DAB2IP: variants seen among roughly 807,000 people sequenced by gnomAD.
DAB2IP encodes the protein disabled homolog 2-interacting protein.
DAB2IP carries 28 observed loss-of-function variants against 107.2 expected under a neutral mutation model. The ratio of observed to expected loss-of-function variants is 0.26; its 90% CI spans 0.19 to 0.36. The LOEUF (loss-of-function observed/expected upper bound fraction) is 0.36. Ranked by LOEUF, DAB2IP falls within the 10% of genes least tolerant of loss-of-function variation. The pLI is 1.00. For synonymous variants in DAB2IP, 755 were observed against 706.4 expected, an observed-to-expected ratio of 1.07 and a Z score of -1.09; for missense variants, 1,400 against 1,644.7, an observed-to-expected ratio of 0.85 and a Z score of 2.57.
rs1016488830 is a variant in DAB2IP at position 121,699,244 on chromosome 9, TGCGGGTCCCGC to T, written c.229-70_229-60del. 1.9e-4 allele frequency: 216 copies of T among 1,129,534 alleles called. No individual in the cohort carries two copies. The highest frequency in any genetic ancestry group is 1.4e-3 in the Middle Eastern group (4 of 2,800). 70.0% of individuals were successfully genotyped at this position (1,129,534 alleles called of 1,614,324 possible). On this transcript the variant is annotated intron_variant, in intron 2 of 15. Coordinates refer to ENST00000408936, the Ensembl canonical transcript of DAB2IP. This position sits in a 1 kb window ranked among gnomAD's most constrained non-coding sequence, Gnocchi z 6.2. ...CGGCCGCGCGGCCGCCCAGCAAGGG[TGCGGGTCCCGC>T]GCGGGTCCCGGCCCGCCGCCGCCGC... is the stretch of plus-strand genomic sequence containing the variant.
chr9:121,611,606 A>G (rs1206863394), intron 1 of DAB2IP, among the ~76,000 whole-genome samples: 3 of 151,974 alleles, frequency 2.0e-5, no homozygotes, highest in Admixed American at 6.6e-5. Context: ...ATTTTTTGAG[A>G]CAGGGTCTCA....
chr9:121,594,225 T>C (rs1830479862), intron 1 of DAB2IP, among the ~76,000 whole-genome samples: 1 of 151,152 alleles, frequency 6.6e-6, no homozygotes, highest in Non-Finnish European at 1.5e-5. Context: ...AGCTTGGATA[T>C]GAATGCAGCA....
At chr9:121,658,730 G>A (rs1180192932) in intron 1 of DAB2IP, among the ~76,000 whole-genome samples, 4 of 152,194 alleles carry the variant, frequency 2.6e-5, no homozygotes, top group Non-Finnish European at 4.4e-5. Context: ...GGTCTAGACA[G>A]ACCACCTGTA....
intron 1 of DAB2IP, among the ~76,000 whole-genome samples, chr9:121,569,454 A>G (rs1829883538): frequency 6.6e-6 from 1 of 152,242 alleles, no homozygotes; most frequent in Non-Finnish European, 1.5e-5. Context: ...GATTCCCTCT[A>G]TATTGATCAG....
chr9:121,754,254 G>A (rs1033763620), intron 3 of DAB2IP, among the ~76,000 whole-genome samples: 3 of 152,232 alleles, frequency 2.0e-5, no homozygotes, highest in African/African-American at 7.2e-5. Context: ...AGATGAGGGA[G>A]GGACCGAGGA....
Position 121,781,452 on chromosome 9 carries a change from C to G in DAB2IP, c.3315-12C>G. The G allele has an allele frequency of 6.2e-7, 1 of 1,613,856 alleles. No individual in the cohort carries two copies. The highest frequency in any genetic ancestry group is 8.5e-7 in the Non-Finnish European group (1 of 1,179,862). ...CCAGGGCCAGTCTGACTGTCTCTGT[C>G]TCTGGCTATAGGTTGATGTCCGTGG... On this transcript the variant is annotated splice_polypyrimidine_tract_variant and intron_variant, in intron 14 of 15. Transcript: ENST00000408936.
At chr9:121,706,467 C>A (rs939388933) in intron 3 of DAB2IP, among the ~76,000 whole-genome samples, 1 of 152,184 alleles carries the variant, frequency 6.6e-6, no homozygotes, top group African/African-American at 2.4e-5. Flanking sequence ...TCTGAGTTCG[C>A]GGTGGAGTCA....
At chr9:121,710,912 G>A (rs910399733) in intron 3 of DAB2IP, among the ~76,000 whole-genome samples, 18 of 152,354 alleles carry the variant, frequency 1.2e-4, no homozygotes, top group African/African-American at 4.1e-4. Context: ...GTGACGTAGG[G>A]AAGTGGTAGT....
At chr9:121,645,493 C>T (rs1029889441) in intron 1 of DAB2IP, among the ~76,000 whole-genome samples, 4 of 152,134 alleles carry the variant, frequency 2.6e-5, no homozygotes, top group Non-Finnish European at 5.9e-5. Flanking sequence ...ATTTGGGTTC[C>T]AAGGTGGAAC....
chr9:121,721,813 G>A (rs1296391474), intron 3 of DAB2IP, among the ~76,000 whole-genome samples: 2 of 152,208 alleles, frequency 1.3e-5, no homozygotes, highest in Non-Finnish European at 2.9e-5. Flanking sequence ...CAATAGGCAA[G>A]GTCTTCCTGG....
intron 1 of DAB2IP, among the ~76,000 whole-genome samples, chr9:121,637,724 G>C (rs953625146): frequency 6.6e-6 from 1 of 152,136 alleles, no homozygotes; most frequent in African/African-American, 2.4e-5. Flanking sequence ...CCCGGGAGAG[G>C]CCCAGCCAGT....
intron 1 of DAB2IP, among the ~76,000 whole-genome samples, chr9:121,605,804 C>G: frequency 6.6e-6 from 1 of 152,310 alleles, no homozygotes; most frequent in East Asian, 1.9e-4. Context: ...CCGCACCTGG[C>G]TTCTTTAGCA....
chr9:121,601,757 A>T (rs1361522697), intron 1 of DAB2IP, among the ~76,000 whole-genome samples: 1 of 152,196 alleles, frequency 6.6e-6, no homozygotes, highest in African/African-American at 2.4e-5. Context: ...ACAGGTTTAG[A>T]GAGGTTAAGG....
chr9:121,780,807 G>A (rs1564236357), intron 14 of DAB2IP, among the ~76,000 whole-genome samples: 3 of 152,176 alleles, frequency 2.0e-5, no homozygotes, highest in African/African-American at 7.2e-5. Flanking sequence ...GCTTCCGCGG[G>A]TGGTATGTCC....
At chr9:121,655,915 AGGATG>A (rs1832950724) in intron 1 of DAB2IP, among the ~76,000 whole-genome samples, 1 of 151,656 alleles carries the variant, frequency 6.6e-6, no homozygotes, top group Admixed American at 6.6e-5. Context: ...GTGGTGGGAG[AGGATG>A]GTTTCATACA....
intron 3 of DAB2IP, among the ~76,000 whole-genome samples, chr9:121,731,892 T>C (rs1210887192): frequency 1.3e-5 from 2 of 152,168 alleles, no homozygotes; most frequent in East Asian, 3.9e-4. Flanking sequence ...GCATGTGAAC[T>C]TAGGCCTCGG....
intron 14 of DAB2IP, among the ~76,000 whole-genome samples, chr9:121,780,777 G>T (rs1835560155): frequency 6.6e-6 from 1 of 152,194 alleles, no homozygotes; most frequent in Non-Finnish European, 1.5e-5. Flanking sequence ...GCAGGACGGA[G>T]CCGGCCTCCT....
chr9:121,581,412 C>T (rs565386023), intron 1 of DAB2IP, among the ~76,000 whole-genome samples: 2 of 152,318 alleles, frequency 1.3e-5, no homozygotes, highest in African/African-American at 4.8e-5. Context: ...ATCTTCCTTG[C>T]ACCTTGCATC....
intron 1 of DAB2IP, among the ~76,000 whole-genome samples, chr9:121,590,000 G>A (rs1247274043): frequency 8.2e-6 from 1 of 121,780 alleles, no homozygotes; most frequent in African/African-American, 3.1e-5. Context: ...TGGGGTATGA[G>A]AGAAACTGCG....
Sources: allele counts gnomAD v4.1 joint callset (sites outside exome capture counted in the v4.1 genomes callset), GRCh38; gene constraint gnomAD v4.1.1; non-coding constraint Gnocchi (gnomAD v3.1); transcripts MANE v1.5; gene names NCBI Gene and HGNC (gene_info 2026-07-23, HGNC 2026-07-21).